The following COL12A1 variants were observed in gnomAD, a reference collection of about 807,000 sequenced individuals.
The protein encoded by COL12A1 is collagen type XII alpha 1 chain.
COL12A1 carries 114 observed loss-of-function variants against 349.7 expected under a neutral mutation model. The observed-to-expected ratio is 0.33, with a 90% CI of 0.28 to 0.38. The LOEUF (loss-of-function observed/expected upper bound fraction) is 0.38. Among genes scored for constraint, COL12A1 ranks in the 10% least tolerant of loss-of-function variants. The pLI, the probability that COL12A1 is intolerant of heterozygous loss-of-function variation, is 1.00. For missense variants in COL12A1, 3,284 were observed against 3,756.9 expected, an observed-to-expected ratio of 0.87 and a Z score of 3.29; for synonymous variants, 1,369 against 1,329.0, an observed-to-expected ratio of 1.03 and a Z score of -0.66.
chr6:75,107,486 G>T (rs1318634410), intron 52 of COL12A1, among the ~76,000 whole-genome samples: 4 of 151,998 alleles, frequency 2.6e-5, no homozygotes, highest in Admixed American at 2.6e-4. Flanking sequence ...GGCCAAGCTG[G>T]TCTCAAACTC....
At chr6:75,202,861 G>T in intron 1 of COL12A1, 34 bp from the exon 2 acceptor site, 1 of 1,422,058 alleles carries the variant, frequency 7.0e-7, no homozygotes, top group Non-Finnish European at 9.7e-7. Flanking sequence ...ATCAGAACTG[G>T]GTCTGGGCAG....
chr6:75,087,825 G>A, intron 64 of COL12A1, 78 bp from the exon 65 acceptor site: 2 of 1,419,872 alleles, frequency 1.4e-6, no homozygotes, highest in Non-Finnish European at 1.9e-6. Context: ...ACTTTAAGTG[G>A]CACCTCCACT....
chr6:75,140,969 T>A (rs1264432130), intron 27 of COL12A1, among the ~76,000 whole-genome samples: 1 of 152,188 alleles, frequency 6.6e-6, no homozygotes, highest in Admixed American at 6.5e-5. Context: ...CACACTGGAT[T>A]TTGAAGAACT....
At chr6:75,200,031 G>A (rs747537057) in intron 2 of COL12A1, among the ~76,000 whole-genome samples, 5 of 152,138 alleles carry the variant, frequency 3.3e-5, no homozygotes, top group Non-Finnish European at 5.9e-5. Context: ...GAAAAGAAAC[G>A]TAACTGTGGC....
rs769297062 is a variant in COL12A1 at position 75,145,377 on chromosome 6, C to A, written c.4639G>T (p.Ala1547Ser). 3 of 1,613,876 alleles carry A rather than the reference C, an allele frequency of 1.9e-6. No individual in the cohort carries two copies. Among genetic ancestry groups the A allele is most frequent in the Non-Finnish European group, 2.5e-6 (3 of 1,179,846 alleles). Reference protein sequence around the residue: ...PNTEYAVTVQAVLHDLTSEPV... With the variant: ...PNTEYAVTVQSVLHDLTSEPV... Reference sequence around the variant, plus strand: ...TCACTAGTGAGGTCGTGCAGGACAGCCTGGACTGTGACTGCATACTCCGTG... The same window carrying A: ...TCACTAGTGAGGTCGTGCAGGACAGACTGGACTGTGACTGCATACTCCGTG... Residue 1547 changes from alanine to serine, a missense_variant, in exon 25 of 66, where the codon GCT becomes TCT. This residue lies in a region of COL12A1 where 2,601 missense variants were observed against 2,824.8 expected (regional missense o/e 0.92). Coordinates refer to ENST00000322507, the MANE Select transcript of COL12A1 (RefSeq NM_004370.6).
chr6:75,191,286 T>A (rs943519062), intron 5 of COL12A1, among the ~76,000 whole-genome samples: 12 of 152,006 alleles, frequency 7.9e-5, no homozygotes, highest in Non-Finnish European at 1.6e-4. Context: ...TGTATTACTT[T>A]GAACACTAGC....
At chr6:75,201,235 A>G (rs1173480024) in intron 2 of COL12A1, among the ~76,000 whole-genome samples, 1 of 152,220 alleles carries the variant, frequency 6.6e-6, no homozygotes, top group Non-Finnish European at 1.5e-5. Flanking sequence ...GGCCTCCAGA[A>G]GTTCCTCAAA....
In COL12A1 at chr6:75,123,906, C is replaced by T. The variant is rs747659553; in HGVS notation, c.6871+42G>A. 7 of 1,580,056 alleles carry T rather than the reference C, an allele frequency of 4.4e-6. No individual in the cohort carries two copies. The Admixed American group carries it at 6.9e-5, about 16-fold the overall frequency. On this transcript the variant is annotated intron_variant, in intron 42 of 65. Transcript: ENST00000322507. ...TCTTCCTTACCTAGAGCATTCTATT[C>T]TAAAGCCTTATGAAAGCTTTCCAGA...
At chr6:75,182,277 G>A (rs565739889) in intron 10 of COL12A1, among the ~76,000 whole-genome samples, 1 of 151,918 alleles carries the variant, frequency 6.6e-6, no homozygotes, top group South Asian at 2.1e-4. Flanking sequence ...TTGTTACATA[G>A]GTGTACATGT....
In COL12A1 at chr6:75,187,162, AT is replaced by A. The variant is rs1256822356; in HGVS notation, c.997+1199del. ...AATAATTTTAAAAATAAATAAATAT[AT>A]ATATATATATATATTTAAAATGATG... On this transcript the variant is annotated intron_variant, in intron 8 of 65. Transcript: ENST00000322507. Among the ~76,000 whole-genome samples, 55 of 147,654 alleles carry A rather than the reference AT, an allele frequency of 3.7e-4. 1 individual carries two copies. The highest frequency in any genetic ancestry group is 9.1e-4 in the African/African-American group (37 of 40,644).
chr6:75,136,020 A>C (rs1192487665), intron 31 of COL12A1, among the ~76,000 whole-genome samples: 2 of 152,176 alleles, frequency 1.3e-5, no homozygotes, highest in Non-Finnish European at 2.9e-5. Flanking sequence ...CCCAAAGACT[A>C]ACAAAGCTTA....
chr6:75,179,438 G>C (rs373233795), intron 11 of COL12A1, among the ~76,000 whole-genome samples: 2 of 151,692 alleles, frequency 1.3e-5, no homozygotes, highest in African/African-American at 4.8e-5. Flanking sequence ...AAATATCTGA[G>C]TACAGCCTTC....
intron 5 of COL12A1, 84 bp from the exon 6 acceptor site, chr6:75,189,899 C>A: frequency 7.0e-7 from 1 of 1,429,350 alleles, no homozygotes; most frequent in Non-Finnish European, 9.6e-7. Context: ...AATGTTGGCT[C>A]CTTAAATCAT....
intron 64 of COL12A1, among the ~76,000 whole-genome samples, chr6:75,088,236 A>C (rs570051218): frequency 4.6e-5 from 7 of 152,198 alleles, no homozygotes; most frequent in Non-Finnish European, 1.0e-4. Context: ...CATGTGCCTT[A>C]TAATGAAAAA....
At chr6:75,151,387 G>T (rs1582138080) in intron 20 of COL12A1, 100 bp from the exon 21 acceptor site, 1 of 1,062,432 alleles carries the variant, frequency 9.4e-7, no homozygotes, top group Non-Finnish European at 1.4e-6. Context: ...GGCTGCTTTT[G>T]GCCAACTATG....
At chr6:75,109,697 G>A (rs1353082450) in intron 51 of COL12A1, among the ~76,000 whole-genome samples, 2 of 152,146 alleles carry the variant, frequency 1.3e-5, no homozygotes, top group Admixed American at 1.3e-4. Flanking sequence ...TCTGGAAATC[G>A]ATAGAATTCA....
intron 51 of COL12A1, 45 bp downstream of exon 51, chr6:75,113,159 A>G (rs1408780237): frequency 9.9e-7 from 1 of 1,013,468 alleles, no homozygotes. Context: ...AATTTGTTTT[A>G]TATTTTTTTC....
In COL12A1 at chr6:75,098,502, G is replaced by A. The variant is rs1562108058; in HGVS notation, c.8524-1196C>T. Among the ~76,000 whole-genome samples, 8 of 152,218 alleles carry A rather than the reference G, an allele frequency of 5.3e-5. No homozygotes were observed. The East Asian group carries it at 1.2e-3, about 22-fold the overall frequency. On this transcript the variant is annotated intron_variant, in intron 58 of 65. Transcript: ENST00000322507. ...GACCCTGTCACTAAAAAAAGTGAAA[G>A]AAAAAAAGTAGCCAAGCATGGTGGC...
At chr6:75,139,489 T>C (rs1562204412) in intron 27 of COL12A1, among the ~76,000 whole-genome samples, 1 of 152,240 alleles carries the variant, frequency 6.6e-6, no homozygotes, top group South Asian at 2.1e-4. Flanking sequence ...AGGAAACAGT[T>C]TCATTTTTAT....
Sources: allele counts gnomAD v4.1 joint callset (sites outside exome capture counted in the v4.1 genomes callset), GRCh38; gene constraint gnomAD v4.1.1; regional missense constraint gnomAD v4.1.1; transcripts MANE v1.5; gene names NCBI Gene and HGNC (gene_info 2026-07-23, HGNC 2026-07-21).